Variants in DMRT3 observed in about 807,000 individuals in gnomAD.
DMRT3 encodes the protein doublesex- and mab-3-related transcription factor 3.
Under a neutral mutation model 34.9 loss-of-function variants are expected in DMRT3, and 29 were observed. The ratio of observed to expected loss-of-function variants is 0.83; its 90% confidence interval spans 0.62 to 1.13. DMRT3 has a LOEUF of 1.13. DMRT3 is among the 50% of genes most tolerant of loss of function. The pLI, the probability that DMRT3 is intolerant of heterozygous loss-of-function variation, is 0.00. For missense variants in DMRT3, 772 were observed against 629.1 expected (o/e 1.23, Z -2.43); for synonymous variants, 350 against 286.0 (o/e 1.22, Z -2.26).
At chr9:977,585 T>A (rs1458476116) in intron 1 of DMRT3, 130 bp downstream of exon 1, 22 of 909,630 alleles carry the variant, frequency 2.4e-5, no homozygotes, top group Non-Finnish European at 2.9e-5. Context: ...TCCTTCCTAC[T>A]CTCCGCCAGG....
intron 1 of DMRT3, among the ~76,000 whole-genome samples, chr9:980,241 G>C (rs1383320304): frequency 3.9e-5 from 6 of 152,144 alleles, no homozygotes; most frequent in Admixed American, 3.3e-4. Flanking sequence ...TCAAAACTCA[G>C]TTTTGTAACT....
chr9:977,168 A>T lies in DMRT3; in HGVS notation c.167A>T (p.Glu56Val). The change falls in exon 1 of 2, where the codon GAG becomes GTG. Residue 56 changes from glutamate to valine, a missense_variant. Glu to Val is a moderately radical substitution (Grantham distance 121). Transcript: ENST00000190165. ...TGCCGCTTCAAGGACTGCACCTGCGAGAAGTGCATCCTCATCATCGAGCGG... is the reference window on the plus strand; with the variant it reads ...TGCCGCTTCAAGGACTGCACCTGCGTGAAGTGCATCCTCATCATCGAGCGG... Reference protein sequence around the residue: ...RYCRFKDCTCEKCILIIERQR... With the variant: ...RYCRFKDCTCVKCILIIERQR... The T allele has an allele frequency of 6.2e-7, 1 of 1,611,604 alleles. No homozygotes were observed. The highest frequency in any genetic ancestry group is 8.5e-7 in the Non-Finnish European group (1 of 1,179,180).
chr9:985,666 A>G (rs575485166), intron 1 of DMRT3, among the ~76,000 whole-genome samples: 3 of 152,360 alleles, frequency 2.0e-5, no homozygotes, highest in Non-Finnish European at 4.4e-5. Context: ...TAGCGCCACA[A>G]AATTGCAGGA....
At position 977,105 on chromosome 9, in the gene DMRT3, A is replaced by T; in HGVS notation, c.104A>T (p.His35Leu). ...CCCAAGTGCGCGCGCTGCCGCAACC[A>T]TGGCGTCCTGTCCTGGCTCAAGGGC... ...RTPKCARCRN[H>L]GVLSWLKGHK... The change falls in exon 1 of 2, where the codon CAT becomes CTT. Residue 35 changes from histidine to leucine, a missense_variant. His to Leu is a moderately conservative substitution (Grantham distance 99). Transcript: ENST00000190165. The T allele has an allele frequency of 1.2e-6, 2 of 1,607,876 alleles. No individual in the cohort carries two copies. Among genetic ancestry groups the T allele is most frequent in the Non-Finnish European group, 1.7e-6 (2 of 1,177,654 alleles).
intron 1 of DMRT3, 47 bp downstream of exon 1, chr9:977,502 T>G (rs750936636): frequency 8.0e-7 from 1 of 1,247,438 alleles, no homozygotes; most frequent in African/African-American, 1.5e-5. Context: ...CGGGGGCAAC[T>G]TCGGAGTGCC....
Position 976,834 on chromosome 9 carries a change from G to T in DMRT3, c.-168G>T. On this transcript the variant is annotated 5_prime_UTR_variant, in exon 1 of 2. Transcript: ENST00000190165. The surrounding 1 kb of genome is among the most constrained non-coding windows in gnomAD (Gnocchi z 4.5). Reference sequence around the variant, plus strand: ...TGAGCGCGAAGGGAGCTGGAGAGACGACTGCGGCACCTCCGGCCGCCCCGG... The same window carrying T: ...TGAGCGCGAAGGGAGCTGGAGAGACTACTGCGGCACCTCCGGCCGCCCCGG... 3.5e-6 allele frequency: 2 copies of T among 576,940 alleles called. No homozygotes were observed. The highest frequency in any genetic ancestry group is 2.7e-6 in the Non-Finnish European group (1 of 376,622). The allele number at this position is 576,940 out of a possible 1,614,324, so 35.7% of individuals were successfully genotyped here.
Position 977,162 on chromosome 9 carries a change from C to G in DMRT3, c.161C>G (p.Thr54Ser), listed in dbSNP as rs769593439. The G allele has an allele frequency of 8.1e-6, 13 of 1,611,666 alleles. No individual in the cohort carries two copies. The East Asian group carries it at 2.5e-4, about 30-fold the overall frequency. ...HKRYCRFKDC[T>S]CEKCILIIER... ...CGTTACTGCCGCTTCAAGGACTGCA[C>G]CTGCGAGAAGTGCATCCTCATCATC... The change falls in exon 1 of 2, where the codon ACC (threonine) becomes AGC (serine). Residue 54 changes from threonine (T) to serine (S), a missense_variant. Transcript: ENST00000190165.
intron 1 of DMRT3, among the ~76,000 whole-genome samples, chr9:987,095 C>T (rs1820295514): frequency 6.6e-6 from 1 of 151,958 alleles, no homozygotes; most frequent in South Asian, 2.1e-4. Flanking sequence ...TTTTTAGGGG[C>T]ACAATTCAGT....
intron 1 of DMRT3, among the ~76,000 whole-genome samples, chr9:983,350 A>C (rs563704219): frequency 4.6e-5 from 7 of 152,270 alleles, no homozygotes; most frequent in Admixed American, 2.6e-4. Context: ...TATCTCTAGC[A>C]CCCATAATCT....
Position 990,212 on chromosome 9 carries a change from A to G in DMRT3, c.626A>G (p.Lys209Arg), listed in dbSNP as rs143922008. Residue 209 changes from lysine to arginine, a missense_variant, in exon 2 of 2, where the codon AAA becomes AGA. Transcript: ENST00000190165. ...GAGGAAGGGGGATACGCTGTCCAGA[A>G]AAACGGAGGCAACCCCGAGAGCCGC... is the stretch of plus-strand genomic sequence containing the variant. Reference protein sequence around the residue: ...SVEEGGYAVQKNGGNPESRPD... With the variant: ...SVEEGGYAVQRNGGNPESRPD... The G allele has an allele frequency of 5.2e-5, 84 of 1,613,900 alleles. No individual in the cohort carries two copies. The highest frequency in any genetic ancestry group is 7.0e-5 in the Non-Finnish European group (83 of 1,180,004).
At position 990,775 on chromosome 9, in the gene DMRT3, C is replaced by A; in HGVS notation, c.1189C>A (p.Leu397Met). 6.2e-7 allele frequency: 1 copy of A among 1,614,184 alleles called. No homozygotes were observed. The change falls in exon 2 of 2, where the codon CTG becomes ATG. Residue 397 changes from leucine (L) to methionine (M), a missense_variant. By Grantham distance (15) the Leu-to-Met change is conservative (BLOSUM62 2). Coordinates refer to ENST00000190165, the MANE Select transcript of DMRT3 (RefSeq NM_021240.4). ...NDVTLWNTMT[L>M]QQQYQLRSQY... ...TGTCACCCTGTGGAACACCATGACGCTGCAGCAGCAGTATCAGCTGAGGTC... is the reference window on the plus strand; with the variant it reads ...TGTCACCCTGTGGAACACCATGACGATGCAGCAGCAGTATCAGCTGAGGTC...
At chr9:979,131 G>A (rs60301829) in intron 1 of DMRT3, among the ~76,000 whole-genome samples, 6,037 of 152,186 alleles carry the variant, frequency 0.04, 401 homozygotes, top group African/African-American at 0.14. Context: ...TCGGGCATTG[G>A]GTTCTGTGGT....
chr9:990,957 C>T lies in DMRT3; in HGVS notation c.1371C>T (p.Asp457=), dbSNP rs573822749. ...CCATTTACACCGAGGACGACTATGA[C>T]GAGAGGTCTGACTCCTCAGACTCTA... ...KQSIYTEDDY[D]ERSDSSDSRT... Residue 457 remains aspartate, a synonymous_variant, in exon 2 of 2, where the codon GAC becomes GAT. Coordinates refer to ENST00000190165, the MANE Select transcript of DMRT3 (RefSeq NM_021240.4). The T allele has an allele frequency of 5.9e-5, 96 of 1,614,060 alleles. No homozygotes were observed. In the East Asian group the frequency reaches 8.5e-4, roughly 14 times the overall value.
Position 986,227 on chromosome 9 carries a change from G to T in DMRT3, c.455-3814G>T, listed in dbSNP as rs564006434. On this transcript the variant is annotated intron_variant, in intron 1 of 1. Transcript: ENST00000190165. ...ATAAGATTCCACTACCGTCTGTTCC[G>T]CAGAACTTAGGAAAATAGGTACAAG... 8.5e-5 allele frequency among the ~76,000 whole-genome samples: 13 copies of T among 152,202 alleles called. No homozygotes were observed. In the South Asian group the frequency reaches 1.0e-3, roughly 12 times the overall value.
Position 991,156 on chromosome 9 carries a change from CTTAT to C in DMRT3, c.*155_*158del, listed in dbSNP as rs1171298118. ...CTATACATTAGCAATAAAAACATAA[CTTAT>C]TTAACTTCTTGCACTTCACTGGAAA... is the stretch of plus-strand genomic sequence containing the variant. On this transcript the variant is annotated 3_prime_UTR_variant, in exon 2 of 2. Transcript: ENST00000190165. 2 of 1,063,356 alleles carry C rather than the reference CTTAT, an allele frequency of 1.9e-6. No homozygotes were observed. Among genetic ancestry groups the C allele is most frequent in the East Asian group, 2.4e-5 (1 of 41,070 alleles). 65.9% of individuals were successfully genotyped at this position (1,063,356 alleles called of 1,614,324 possible). A position where few individuals can be genotyped will look rare whatever the true frequency, so the allele number is the denominator to read the frequency against.
At chr9:985,731 C>T (rs1214641390) in intron 1 of DMRT3, among the ~76,000 whole-genome samples, 1 of 152,188 alleles carries the variant, frequency 6.6e-6, no homozygotes, top group Non-Finnish European at 1.5e-5. Flanking sequence ...ATTCTTGGTG[C>T]AAAGTTAGAG....
chr9:987,412 C>CTG (rs6150885), intron 1 of DMRT3, among the ~76,000 whole-genome samples: 5,054 of 149,476 alleles, frequency 0.034, 97 homozygotes, highest in African/African-American at 0.043. Flanking sequence ...TAATATCCCA[C>CTG]TGTGTGTGTG....
In DMRT3 at chr9:989,523, A is replaced by C. The variant is rs182453095; in HGVS notation, c.455-518A>C. ...TGATGCAACTTACTGATTGGTTCATAAGACATATTTAACACAAAATCAGCC... is the reference window on the plus strand; with the variant it reads ...TGATGCAACTTACTGATTGGTTCATCAGACATATTTAACACAAAATCAGCC... On this transcript the variant is annotated intron_variant, in intron 1 of 1. Transcript: ENST00000190165. Among the ~76,000 whole-genome samples, 269 of 152,342 alleles carry C rather than the reference A, an allele frequency of 1.8e-3. 2 individuals carry two copies. Among genetic ancestry groups the C allele is most frequent in the Non-Finnish European group, 1.3e-3 (90 of 68,034 alleles).
intron 1 of DMRT3, among the ~76,000 whole-genome samples, chr9:985,950 T>C (rs1006253570): frequency 4.6e-5 from 7 of 152,238 alleles, no homozygotes; most frequent in African/African-American, 1.7e-4. Context: ...TGGTTTACGC[T>C]GAATTTGTAG....
Sources: allele counts gnomAD v4.1 joint callset (sites outside exome capture counted in the v4.1 genomes callset), GRCh38; gene constraint gnomAD v4.1.1; non-coding constraint Gnocchi (gnomAD v3.1); transcripts MANE v1.5; gene names NCBI Gene and HGNC (gene_info 2026-07-23, HGNC 2026-07-21).